Variants in SLC43A1 observed in about 807,000 individuals in gnomAD.
SLC43A1 encodes large neutral amino acids transporter small subunit 3.
Under a neutral mutation model 59.5 loss-of-function variants are expected in SLC43A1, and 31 were observed. The ratio of observed to expected loss-of-function variants is 0.52; its 90% CI spans 0.39 to 0.70. The LOEUF is 0.70. Ranked by LOEUF, SLC43A1 falls within the 30% of genes least tolerant of loss-of-function variation. The pLI is 0.00. For missense variants in SLC43A1, 598 were observed against 717.8 expected, an observed-to-expected ratio of 0.83 and a Z score of 1.91; for synonymous variants, 259 against 290.9, an observed-to-expected ratio of 0.89 and a Z score of 1.12.
At position 57,515,054 on chromosome 11, in the gene SLC43A1, G is replaced by A. The variant is rs868221701; in HGVS notation, c.-14+390C>T. 1.0e-6 allele frequency: 1 copy of A among 985,438 alleles called. No homozygotes were observed. Among genetic ancestry groups the A allele is most frequent in the South Asian group, 4.7e-5 (1 of 21,276 alleles). 61.0% of individuals were successfully genotyped at this position (985,438 alleles called of 1,614,324 possible). ...CAACTGGGATGAGACCGAGGAAAGCGGAGAGGAGAAGGGCAAGAAAGACCC... is the reference window on the plus strand; with the variant it reads ...CAACTGGGATGAGACCGAGGAAAGCAGAGAGGAGAAGGGCAAGAAAGACCC... On this transcript the variant is annotated intron_variant, in intron 1 of 14. Transcript: ENST00000278426. The surrounding 1 kb of genome is among the most constrained non-coding windows in gnomAD (Gnocchi z 5.3).
intron 5 of SLC43A1, 124 bp downstream of exon 5, chr11:57,500,655 T>G (rs1264464458): frequency 5.0e-6 from 4 of 807,634 alleles, no homozygotes; most frequent in Non-Finnish European, 8.4e-6. Flanking sequence ...ACACACTCAC[T>G]TGATCTAGTG....
intron 14 of SLC43A1, 138 bp from the exon 15 acceptor site, chr11:57,485,380 T>C: frequency 1.2e-6 from 1 of 804,382 alleles, no homozygotes; most frequent in Non-Finnish European, 1.9e-6. Context: ...TGTGTAGTCA[T>C]TGTTCCACCA....
Position 57,513,995 on chromosome 11 carries a change from A to G in SLC43A1, c.117T>C (p.Ile39=). Residue 39 remains isoleucine, a synonymous_variant, in exon 2 of 15, where the codon ATT becomes ATC. Coordinates refer to ENST00000278426, the MANE Select transcript of SLC43A1 (RefSeq NM_003627.6). ...VLLGWGSLLI[I]LKNEGFYSST... ...TGGAATAGAAGCCCTCGTTCTTCAG[A>G]ATGATCAACAGGGAGCCCCAGCCCA... 1.2e-6 allele frequency: 2 copies of G among 1,600,562 alleles called. No homozygotes were observed. The highest frequency in any genetic ancestry group is 1.7e-6 in the Non-Finnish European group (2 of 1,173,160).
intron 2 of SLC43A1, among the ~76,000 whole-genome samples, chr11:57,511,358 G>C (rs981529319): frequency 4.0e-5 from 6 of 151,882 alleles, no homozygotes; most frequent in African/African-American, 1.2e-4. Flanking sequence ...AGCCCAGGAG[G>C]TTGAAGCTGC....
chr11:57,509,647 AAG>A (rs1944480299), intron 2 of SLC43A1, among the ~76,000 whole-genome samples: 1 of 124,846 alleles, frequency 8.0e-6, no homozygotes, highest in African/African-American at 3.0e-5. Context: ...GGAAGGAAGG[AAG>A]GAGGGAGGGA....
intron 5 of SLC43A1, 40 bp from the exon 6 acceptor site, chr11:57,497,885 T>A (rs767034024): frequency 6.6e-7 from 1 of 1,521,304 alleles, no homozygotes; most frequent in Admixed American, 1.7e-5. Flanking sequence ...GGGGACACCG[T>A]GACCCTTGCC....
chr11:57,514,910 G>A lies in SLC43A1; in HGVS notation c.-14+534C>T. On this transcript the variant is annotated intron_variant, in intron 1 of 14. Coordinates refer to ENST00000278426, the MANE Select transcript of SLC43A1 (RefSeq NM_003627.6). The surrounding 1 kb of genome is among the most constrained non-coding windows in gnomAD (Gnocchi z 5.5). ...CTTTATAAGGGCAGCGGTGGCGGATGGGCTGGCGGGCGGGTGTGTTTACCA... is the reference window on the plus strand; with the variant it reads ...CTTTATAAGGGCAGCGGTGGCGGATAGGCTGGCGGGCGGGTGTGTTTACCA... The A allele has an allele frequency of 1.0e-6, 1 of 978,840 alleles. No homozygotes were observed. The highest frequency in any genetic ancestry group is 1.2e-6 in the Non-Finnish European group (1 of 823,968). The allele number at this position is 978,840 out of a possible 1,614,324, so 60.6% of individuals were successfully genotyped here. A position where few individuals can be genotyped will look rare whatever the true frequency, so the allele number is the denominator to read the frequency against.
In SLC43A1 at chr11:57,509,896, A is replaced by C. The variant is rs148076356; in HGVS notation, c.154+4062T>G. 2.2e-3 allele frequency among the ~76,000 whole-genome samples: 330 copies of C among 152,336 alleles called. 3 individuals are homozygous for C. The highest frequency in any genetic ancestry group is 7.6e-3 in the African/African-American group (316 of 41,574). ...TTGTGCACTAAAGGACACCAAAAGA[A>C]AGTGAAAGACAACCCAATAATGGAA... On this transcript the variant is annotated intron_variant, in intron 2 of 14. Transcript: ENST00000278426.
In SLC43A1 at chr11:57,515,666, G is replaced by A. The variant is rs1944672149; in HGVS notation, c.-236C>T. ...AAGCGGGGGAACTGGGAACCCGCCG[G>A]GCGCCAGAGGTCTGCGAAGCTGGGC... is the stretch of plus-strand genomic sequence containing the variant. On this transcript the variant is annotated 5_prime_UTR_variant, in exon 1 of 15. Transcript: ENST00000278426. This position sits in a 1 kb window ranked among gnomAD's most constrained non-coding sequence, Gnocchi z 5.3. The A allele has an allele frequency of 6.6e-6, 1 of 152,308 alleles. No homozygotes were observed. The highest frequency in any genetic ancestry group is 1.5e-5 in the Non-Finnish European group (1 of 68,078). 9.4% of individuals were successfully genotyped at this position (152,308 alleles called of 1,614,324 possible).
At chr11:57,504,785 G>T (rs1944352926) in intron 2 of SLC43A1, among the ~76,000 whole-genome samples, 1 of 152,228 alleles carries the variant, frequency 6.6e-6, no homozygotes, top group African/African-American at 2.4e-5. Flanking sequence ...CACTAACGGA[G>T]AATCCATTCC....
intron 8 of SLC43A1, among the ~76,000 whole-genome samples, chr11:57,492,751 A>AG (rs1436320790): frequency 1.4e-5 from 2 of 146,702 alleles, no homozygotes; most frequent in Non-Finnish European, 1.5e-5. Context: ...AAAAAAAAAA[A>AG]AAAAACCTGG....
intron 7 of SLC43A1, chr11:57,494,464 C>T (rs979473579): frequency 2.4e-6 from 1 of 422,032 alleles, no homozygotes; most frequent in African/African-American, 2.1e-5. Context: ...AGCCTGCGTC[C>T]AACCTAAGAT....
chr11:57,509,221 A>C (rs1227485584), intron 2 of SLC43A1, among the ~76,000 whole-genome samples: 1 of 152,156 alleles, frequency 6.6e-6, no homozygotes, highest in Non-Finnish European at 1.5e-5. Context: ...CACCAGGTGG[A>C]TATCTCACAC....
rs146028584 is a variant in SLC43A1, at chr11:57,485,706, C to T, written c.1534-464G>A. On this transcript the variant is annotated intron_variant, in intron 14 of 14. Coordinates refer to ENST00000278426, the MANE Select transcript of SLC43A1 (RefSeq NM_003627.6). ...GAAGGCTTGGAAGGCCCAGGACACG[C>T]GGGCTCTGACTCGGTTCACATCCCA... Among the ~76,000 whole-genome samples, 717 of 152,282 alleles carry T rather than the reference C, an allele frequency of 4.7e-3. 5 individuals carry two copies. Among genetic ancestry groups the T allele is most frequent in the African/African-American group, 0.016 (651 of 41,546 alleles).
chr11:57,488,790 C>G (rs1943814869), intron 13 of SLC43A1, 126 bp downstream of exon 13: 1 of 800,420 alleles, frequency 1.2e-6, no homozygotes, highest in African/African-American at 1.7e-5. Flanking sequence ...GAAGTGAGCT[C>G]CCTGCCATCA....
chr11:57,490,841 C>T (rs926281486), intron 11 of SLC43A1, among the ~76,000 whole-genome samples: 10 of 152,224 alleles, frequency 6.6e-5, no homozygotes, highest in African/African-American at 4.8e-5. Context: ...AAGACTTTAG[C>T]GTGTACCCTT....
At chr11:57,485,305 GGGA>G (rs1383533775) in intron 14 of SLC43A1, 63 bp from the exon 15 acceptor site, 11 of 1,502,424 alleles carry the variant, frequency 7.3e-6, no homozygotes, top group Non-Finnish European at 9.8e-6. Context: ...GCCTCCCACA[GGGA>G]GGAGAAGGCG....
chr11:57,489,796 G>A (rs1001665356), intron 11 of SLC43A1, among the ~76,000 whole-genome samples: 5 of 152,242 alleles, frequency 3.3e-5, no homozygotes, highest in African/African-American at 1.2e-4. Flanking sequence ...TCTCTCATCA[G>A]AAGTCCTCAG....
At chr11:57,509,629 GGAAGGAAGGAAGGAAGGAA>G in intron 2 of SLC43A1, among the ~76,000 whole-genome samples, 1 of 133,814 alleles carries the variant, frequency 7.5e-6, no homozygotes, top group Admixed American at 7.7e-5. Context: ...AAGGAAGGAA[GGAAGGAAGGAAGGAAGGAA>G]GGAGGGAGGG....
Sources: allele counts gnomAD v4.1 joint callset (sites outside exome capture counted in the v4.1 genomes callset), GRCh38; gene constraint gnomAD v4.1.1; non-coding constraint Gnocchi (gnomAD v3.1); transcripts MANE v1.5; gene names NCBI Gene and HGNC (gene_info 2026-07-23, HGNC 2026-07-21).